DLGAP2: variants seen among roughly 807,000 people sequenced by gnomAD.
The protein encoded by DLGAP2 is disks large-associated protein 2.
DLGAP2 carries 26 observed loss-of-function variants against 100.3 expected under a neutral mutation model. The observed-to-expected ratio is 0.26, with a 90% CI of 0.19 to 0.36. The LOEUF (loss-of-function observed/expected upper bound fraction) is 0.36. DLGAP2 is among the 10% of genes least tolerant of loss of function. The pLI is 1.00. For missense variants in DLGAP2, 1,858 were observed against 1,453.2 expected (o/e 1.28, Z -4.53); for synonymous variants, 886 against 630.1 (o/e 1.41, Z -6.08).
intron 2 of DLGAP2, among the ~76,000 whole-genome samples, chr8:1,161,465 A>G (rs1242668047): frequency 6.6e-6 from 1 of 152,188 alleles, no homozygotes; most frequent in Non-Finnish European, 1.5e-5. Flanking sequence ...CGATCTTGCA[A>G]ACTGGCCTAA....
chr8:1,562,756 T>C (rs1350594769), intron 5 of DLGAP2, among the ~76,000 whole-genome samples: 1 of 22,226 alleles, frequency 4.5e-5, no homozygotes, highest in African/African-American at 2.0e-4. Context: ...TGTTGGGGTG[T>C]CTGCGCCTCG....
chr8:875,583 C>T lies in DLGAP2; in HGVS notation c.19-32329C>T, dbSNP rs917430210. Among the ~76,000 whole-genome samples, 3 of 152,312 alleles carry T rather than the reference C, an allele frequency of 2.0e-5. No homozygotes were observed. The South Asian group carries it at 6.2e-4, about 32-fold the overall frequency. On this transcript the variant is annotated intron_variant, in intron 1 of 14. Coordinates refer to ENST00000637795, the MANE Select transcript of DLGAP2 (RefSeq NM_001346810.2). The stretch of plus-strand genomic sequence containing the variant: ...ATGATTGTAAGTTTCCTTGGGCCTC[C>T]CTAGCCCTGCTGAACTGTGAGTCAA...
intron 2 of DLGAP2, among the ~76,000 whole-genome samples, chr8:1,046,178 T>G (rs1241274983): frequency 6.6e-6 from 1 of 152,234 alleles, no homozygotes. Flanking sequence ...AAGGCTAATG[T>G]GGGTTTAATC....
At chr8:742,181 G>T (rs1286508300) in intron 1 of DLGAP2, among the ~76,000 whole-genome samples, 1 of 152,190 alleles carries the variant, frequency 6.6e-6, no homozygotes, top group Non-Finnish European at 1.5e-5. Flanking sequence ...ACCTCTTGTT[G>T]CAGGGAAAGG....
intron 14 of DLGAP2, 58 bp downstream of exon 14, chr8:1,697,357 G>T (rs756694631): frequency 6.5e-7 from 1 of 1,530,996 alleles, no homozygotes; most frequent in South Asian, 1.3e-5. Flanking sequence ...CTGCACTAAC[G>T]ACCTGCTGCA....
chr8:1,044,733 G>T (rs1260057115), intron 2 of DLGAP2, among the ~76,000 whole-genome samples: 15 of 152,128 alleles, frequency 9.9e-5, no homozygotes, highest in Admixed American at 8.5e-4. Flanking sequence ...CCACATTTCA[G>T]CTCCCTGTGT....
intron 2 of DLGAP2, among the ~76,000 whole-genome samples, chr8:1,071,891 C>G (rs946134306): frequency 8.5e-5 from 13 of 152,180 alleles, no homozygotes; most frequent in Non-Finnish European, 4.4e-5. Flanking sequence ...GCAGGAGGCT[C>G]CCTGGCCTGT....
chr8:1,632,582 G>A (rs1296486048), intron 7 of DLGAP2, among the ~76,000 whole-genome samples: 1 of 152,166 alleles, frequency 6.6e-6, no homozygotes, highest in Non-Finnish European at 1.5e-5. Flanking sequence ...TTGAAGGTTT[G>A]CCTTGCGGTC....
In DLGAP2 at chr8:845,114, C is replaced by G. The variant is rs1180195568; in HGVS notation, c.19-62798C>G. Among the ~76,000 whole-genome samples, 4 of 152,178 alleles carry G rather than the reference C, an allele frequency of 2.6e-5. No homozygotes were observed. In the East Asian group the frequency reaches 7.7e-4, roughly 29 times the overall value. The stretch of plus-strand genomic sequence containing the variant: ...TGTACACTGATTGTTGTGAATAATT[C>G]TGCTGTGCATATTTGTGCACAACTT... On this transcript the variant is annotated intron_variant, in intron 1 of 14. Transcript: ENST00000637795.
chr8:1,653,196 A>G lies in DLGAP2; in HGVS notation c.1811-15133A>G, dbSNP rs372444633. Among the ~76,000 whole-genome samples the G allele has an allele frequency of 4.1e-4, 62 of 152,078 alleles. 1 individual carries two copies. In the South Asian group the frequency reaches 0.012, roughly 31 times the overall value. ...CTGTGGGTGGGGTAGGGAGCCGACA[A>G]TCCTCACCACGCAGATGCTGCCAGG... On this transcript the variant is annotated intron_variant, in intron 8 of 14. Coordinates refer to ENST00000637795, the MANE Select transcript of DLGAP2 (RefSeq NM_001346810.2).
chr8:1,282,640 C>T lies in DLGAP2; in HGVS notation c.106+23757C>T, dbSNP rs1365832130. Among the ~76,000 whole-genome samples the T allele has an allele frequency of 1.8e-3, 224 of 126,862 alleles. 16 individuals carry two copies. The highest frequency in any genetic ancestry group is 2.5e-3 in the Non-Finnish European group (151 of 60,520). 83.2% of individuals were successfully genotyped at this position (126,862 alleles called of 152,430 possible). On this transcript the variant is annotated intron_variant, in intron 3 of 14. Transcript: ENST00000637795. ...CCATCCAGACGTGGTGTGACCTGAA[C>T]CCAGCGCATGAACCATCCAGACGTG...
At chr8:872,510 T>G (rs1385552727) in intron 1 of DLGAP2, among the ~76,000 whole-genome samples, 2 of 151,992 alleles carry the variant, frequency 1.3e-5, no homozygotes, top group East Asian at 3.9e-4. Flanking sequence ...ATTTTGTATT[T>G]TAGTAGAGAT....
chr8:1,498,581 G>T (rs1422442053), intron 3 of DLGAP2, among the ~76,000 whole-genome samples: 1 of 152,228 alleles, frequency 6.6e-6, no homozygotes, highest in Non-Finnish European at 1.5e-5. Flanking sequence ...AAGAAAGCCA[G>T]AGTGCAGAGC....
At chr8:1,451,470 G>A (rs1025255023) in intron 3 of DLGAP2, among the ~76,000 whole-genome samples, 7 of 151,342 alleles carry the variant, frequency 4.6e-5, no homozygotes, top group Non-Finnish European at 2.9e-5. Context: ...TGGTGCCAGG[G>A]TCCCTGTCCC....
intron 2 of DLGAP2, among the ~76,000 whole-genome samples, chr8:1,241,549 A>G (rs956188230): frequency 6.6e-6 from 1 of 152,328 alleles, no homozygotes; most frequent in East Asian, 1.9e-4. Flanking sequence ...CATGTTTCCC[A>G]TGGGGGCCTT....
At chr8:797,417 G>C (rs1796058491) in intron 1 of DLGAP2, among the ~76,000 whole-genome samples, 1 of 152,228 alleles carries the variant, frequency 6.6e-6, no homozygotes, top group Non-Finnish European at 1.5e-5. Context: ...TCAATCTTCT[G>C]CTGAAGAATG....
At chr8:1,657,288 T>C (rs920722472) in intron 8 of DLGAP2, among the ~76,000 whole-genome samples, 6 of 152,236 alleles carry the variant, frequency 3.9e-5, no homozygotes, top group Admixed American at 6.5e-5. Flanking sequence ...CTAAATTAAA[T>C]TTTGAATTTT....
chr8:1,452,501 C>T (rs1199718700), intron 3 of DLGAP2, among the ~76,000 whole-genome samples: 1 of 152,194 alleles, frequency 6.6e-6, no homozygotes, highest in Non-Finnish European at 1.5e-5. Flanking sequence ...GCTAGGATGC[C>T]CGATGCTTCT....
intron 2 of DLGAP2, among the ~76,000 whole-genome samples, chr8:1,128,275 CGGTGTTGTGTTCCATGAGGACCTGCTCCT>C (rs1308020597): frequency 2.4e-4 from 36 of 150,380 alleles, no homozygotes; most frequent in African/African-American, 7.8e-4. Flanking sequence ...GACCTGCTCC[CGGTGTTGTGTTCCATGAGGACCTGCTCCT>C]GGTGTTGTGT....
Sources: gnomAD v4.1 joint callset for allele counts (sites outside exome capture counted in the v4.1 genomes callset) on GRCh38, gnomAD v4.1.1 for gene constraint, MANE v1.5 for transcripts, NCBI Gene and HGNC (gene_info 2026-07-23, HGNC 2026-07-21) for gene names.